MTREX: variants seen among roughly 807,000 people sequenced by gnomAD.
MTREX encodes Mtr4 exosome RNA helicase, also known as exosome RNA helicase MTR4.
A neutral mutation model predicts 135.4 loss-of-function variants in MTREX; 76 were observed. The observed-to-expected ratio is 0.56, with a 90% CI of 0.47 to 0.68. MTREX has a LOEUF of 0.68. MTREX is among the 30% of genes least tolerant of loss of function. The probability of loss-of-function intolerance (pLI) is 0.00; values close to 1 mark genes in which losing one functional copy is unlikely to be tolerated. For synonymous variants in MTREX, 404 were observed against 401.6 expected (o/e 1.01, Z -0.07); for missense variants, 920 against 1,262.1 (o/e 0.73, Z 4.11).
chr5:55,373,067 GTTTA>G (rs1214714613), intron 16 of MTREX, among the ~76,000 whole-genome samples: 3 of 146,504 alleles, frequency 2.0e-5, no homozygotes, highest in African/African-American at 5.0e-5. Flanking sequence ...ACCTAGTTTT[GTTTA>G]TTTATTTATT....
At position 55,400,262 on chromosome 5, in the gene MTREX, C is replaced by T. The variant is rs151212424; in HGVS notation, c.2322C>T (p.Ile774=). ...QEVQKRFPDG[I]PLLDPIDDMG... ...TTCAGAAACGTTTTCCTGACGGCAT[C>T]CCCTTATTAGACCCTATTGATGATA... is the stretch of plus-strand genomic sequence containing the variant. Residue 774 remains isoleucine, a synonymous_variant, in exon 21 of 27, where the codon ATC becomes ATT. Transcript: ENST00000230640. The T allele has an allele frequency of 2.5e-5, 39 of 1,582,210 alleles. No homozygotes were observed. In the African/African-American group the frequency reaches 4.4e-4, roughly 18 times the overall value.
In MTREX at chr5:55,402,850, GTA is replaced by G. The variant is rs1356412987; in HGVS notation, c.2481+2431_2481+2432del. On this transcript the variant is annotated intron_variant, in intron 21 of 26. Transcript: ENST00000230640. ...TGTGTGTGTGTGTGTGTATGTGTAT[GTA>G]TGTGTGTGTGTGTGTGTGTGTATAT... Among the ~76,000 whole-genome samples, 6 of 47,320 alleles carry G rather than the reference GTA, an allele frequency of 1.3e-4. No homozygotes were observed. The South Asian group carries it at 3.2e-3, about 25-fold the overall frequency. The allele number at this position is 47,320 out of a possible 152,430, so 31.0% of individuals were successfully genotyped here. A position where few individuals can be genotyped will look rare whatever the true frequency, so the allele number is the denominator to read the frequency against.
chr5:55,416,524 T>G (rs1213417327), intron 25 of MTREX, among the ~76,000 whole-genome samples: 1 of 152,112 alleles, frequency 6.6e-6, no homozygotes, highest in Admixed American at 6.6e-5. Flanking sequence ...CATATGTAAT[T>G]GACTTGGCTT....
rs181174968 is a variant in MTREX at position 55,353,736 on chromosome 5, C to T, written c.1533+467C>T. Among the ~76,000 whole-genome samples the T allele has an allele frequency of 4.0e-3, 611 of 152,190 alleles. 4 individuals are homozygous for T. The highest frequency in any genetic ancestry group is 0.014 in the African/African-American group (583 of 41,518). ...TTAATTAATTGAACAAACCTCCGTT[C>T]CCTTAAATTTTTATCCTAACTCCTT... On this transcript the variant is annotated intron_variant, in intron 14 of 26. Coordinates refer to ENST00000230640, the MANE Select transcript of MTREX (RefSeq NM_015360.5).
intron 5 of MTREX, among the ~76,000 whole-genome samples, chr5:55,338,100 GT>G (rs1749583332): frequency 6.6e-6 from 1 of 151,884 alleles, no homozygotes; most frequent in Non-Finnish European, 1.5e-5. Flanking sequence ...TTTAAATTGT[GT>G]TTTCTAAAAA....
chr5:55,380,372 T>C (rs1429869235), intron 18 of MTREX, among the ~76,000 whole-genome samples: 2 of 152,156 alleles, frequency 1.3e-5, no homozygotes, highest in Non-Finnish European at 2.9e-5. Context: ...TGTAGAACAT[T>C]TTCATCATCT....
At chr5:55,366,911 C>T (rs2112086670) in intron 16 of MTREX, 36 bp downstream of exon 16, 1 of 1,494,044 alleles carries the variant, frequency 6.7e-7, no homozygotes, top group Non-Finnish European at 9.0e-7. Context: ...CTTAGTGTAG[C>T]TAGGAGACTG....
chr5:55,379,900 A>C (rs1271682015), intron 18 of MTREX, among the ~76,000 whole-genome samples: 1 of 152,128 alleles, frequency 6.6e-6, no homozygotes, highest in Non-Finnish European at 1.5e-5. Flanking sequence ...AGTGCTGTAG[A>C]TTCCTTTCAC....
intron 19 of MTREX, among the ~76,000 whole-genome samples, chr5:55,389,645 T>A (rs1382666844): frequency 6.6e-6 from 1 of 152,154 alleles, no homozygotes; most frequent in African/African-American, 2.4e-5. Flanking sequence ...AACAAACTTG[T>A]AGGAACATGA....
chr5:55,338,569 TC>T, intron 5 of MTREX, among the ~76,000 whole-genome samples: 1 of 151,704 alleles, frequency 6.6e-6, no homozygotes, highest in East Asian at 1.9e-4. Context: ...GTTTTTTTTT[TC>T]CTACCTCTTT....
chr5:55,391,017 G>A (rs1750557566), intron 19 of MTREX, among the ~76,000 whole-genome samples: 1 of 152,086 alleles, frequency 6.6e-6, no homozygotes, highest in Admixed American at 6.5e-5. Context: ...TTTTCTCTGT[G>A]TATAGGTCAT....
At position 55,378,475 on chromosome 5, in the gene MTREX, C is replaced by T; in HGVS notation, c.1972C>T (p.Arg658Cys). The T allele has an allele frequency of 3.1e-6, 5 of 1,606,666 alleles. No homozygotes were observed. The highest frequency in any genetic ancestry group is 4.2e-6 in the Non-Finnish European group (5 of 1,177,674). Residue 658 changes from arginine to cysteine, a missense_variant, in exon 17 of 27, where the codon CGT becomes TGT. By Grantham distance (180) the Arg-to-Cys change is radical. Transcript: ENST00000230640. ...CTGCTTACCTTTTCTACAACCAGGT[C>T]GTTTGGTAAAGGTATGTCATTGTTT... Reference protein sequence around the residue: ...KYCLPFLQPGRLVKVKNEGDD... With the variant: ...KYCLPFLQPGCLVKVKNEGDD...
At chr5:55,366,105 T>C (rs1750099827) in intron 15 of MTREX, among the ~76,000 whole-genome samples, 1 of 152,192 alleles carries the variant, frequency 6.6e-6, no homozygotes, top group Admixed American at 6.5e-5. Context: ...ACAATAAAAT[T>C]CTACAGTATA....
intron 10 of MTREX, 142 bp downstream of exon 10, chr5:55,345,338 T>C: frequency 1.6e-6 from 1 of 639,486 alleles, no homozygotes; most frequent in East Asian, 2.8e-5. Context: ...AATATTTATC[T>C]TTTTTGTATG....
At chr5:55,376,295 A>G (rs1481022430) in intron 16 of MTREX, among the ~76,000 whole-genome samples, 2 of 152,240 alleles carry the variant, frequency 1.3e-5, no homozygotes, top group African/African-American at 4.8e-5. Context: ...CAGAAATCCA[A>G]AGTATTCCAA....
chr5:55,387,023 A>G (rs1020803634), intron 18 of MTREX, among the ~76,000 whole-genome samples: 3 of 152,214 alleles, frequency 2.0e-5, no homozygotes, highest in Non-Finnish European at 4.4e-5. Flanking sequence ...TAATCAAACT[A>G]TCTTCATTTT....
intron 1 of MTREX, among the ~76,000 whole-genome samples, chr5:55,311,462 T>C (rs1020158976): frequency 1.3e-5 from 2 of 152,212 alleles, no homozygotes; most frequent in African/African-American, 4.8e-5. Flanking sequence ...CTTTTTTCTT[T>C]CTGCCATTGA....
intron 14 of MTREX, chr5:55,356,222 C>T (rs1749909835): frequency 6.6e-6 from 1 of 152,362 alleles, no homozygotes; most frequent in African/African-American, 2.4e-5. Flanking sequence ...AGACCTATTT[C>T]CAGAGAGGGT....
chr5:55,340,275 C>T (rs1452323602), intron 6 of MTREX, 91 bp downstream of exon 6: 10 of 981,188 alleles, frequency 1.0e-5, no homozygotes, highest in Non-Finnish European at 1.4e-5. Context: ...ATTGGTTGCT[C>T]TACTTAGGTA....
Sources: gnomAD v4.1 joint callset for allele counts (sites outside exome capture counted in the v4.1 genomes callset) on GRCh38, gnomAD v4.1.1 for gene constraint, MANE v1.5 for transcripts, NCBI Gene and HGNC (gene_info 2026-07-23, HGNC 2026-07-21) for gene names.